Variants in OIT3 observed in about 807,000 individuals in gnomAD.
OIT3 encodes the protein oncoprotein induced transcript 3, also known as oncoprotein-induced transcript 3 protein.
A neutral mutation model predicts 52.2 loss-of-function variants in OIT3; 41 were observed. The ratio of observed to expected loss-of-function variants is 0.79; its 90% confidence interval spans 0.61 to 1.02. The LOEUF is 1.02. Among genes scored for constraint, OIT3 ranks in the 50% least tolerant of loss-of-function variants. The pLI is 0.00. For synonymous variants in OIT3, 244 were observed against 276.9 expected (o/e 0.88, Z 1.18); for missense variants, 634 against 715.5 (o/e 0.89, Z 1.30).
intron 3 of OIT3, 147 bp from the exon 4 acceptor site, chr10:72,906,449 G>C: frequency 1.3e-6 from 1 of 799,552 alleles, no homozygotes; most frequent in Non-Finnish European, 2.0e-6. Flanking sequence ...TCAGGTGGAT[G>C]GGAGTGATGA....
At position 72,932,667 on chromosome 10, in the gene OIT3, A is replaced by T; in HGVS notation, c.*143A>T. ...AGACTCCCAGCACCAACTCACTCTG[A>T]TTCTGGTCCATTCAGTGGGCACAGG... On this transcript the variant is annotated 3_prime_UTR_variant, in exon 9 of 9. Coordinates refer to ENST00000334011, the MANE Select transcript of OIT3 (RefSeq NM_152635.3). The T allele has an allele frequency of 1.5e-6, 1 of 681,938 alleles. No homozygotes were observed. The highest frequency in any genetic ancestry group is 2.4e-6 in the Non-Finnish European group (1 of 416,556). 42.2% of individuals were successfully genotyped at this position (681,938 alleles called of 1,614,324 possible). A position where few individuals can be genotyped will look rare whatever the true frequency, so the allele number is the denominator to read the frequency against.
intron 7 of OIT3, among the ~76,000 whole-genome samples, chr10:72,927,823 T>C (rs2132950177): frequency 6.6e-6 from 1 of 152,326 alleles, no homozygotes; most frequent in Middle Eastern, 3.4e-3. Flanking sequence ...TCTTCCTGTC[T>C]GATCCTTACT....
chr10:72,920,772 G>A lies in OIT3; in HGVS notation c.952-3457G>A, dbSNP rs117566662. ...ATTTCTTAGTCTTGAGTTCTAATTC[G>A]ATTGTGCTGTCATCTGAGAGCCTGT... On this transcript the variant is annotated intron_variant, in intron 6 of 8. Coordinates refer to ENST00000334011, the MANE Select transcript of OIT3 (RefSeq NM_152635.3). 5.8e-3 allele frequency among the ~76,000 whole-genome samples: 880 copies of A among 152,202 alleles called. 4 individuals carry two copies. Among genetic ancestry groups the A allele is most frequent in the East Asian group, 0.029 (149 of 5,186 alleles).
At chr10:72,907,988 A>T (rs2132932914) in intron 4 of OIT3, among the ~76,000 whole-genome samples, 1 of 152,328 alleles carries the variant, frequency 6.6e-6, no homozygotes, top group African/African-American at 2.4e-5. Context: ...TACGCCTGTA[A>T]TCCCAGTACT....
chr10:72,914,404 C>G (rs1189440118), intron 6 of OIT3, among the ~76,000 whole-genome samples: 1 of 152,134 alleles, frequency 6.6e-6, no homozygotes, highest in African/African-American at 2.4e-5. Context: ...AGCACGGAGG[C>G]CTTTGCGATC....
intron 7 of OIT3, among the ~76,000 whole-genome samples, chr10:72,925,250 CAT>C (rs567975550): frequency 6.8e-4 from 103 of 151,944 alleles, no homozygotes; most frequent in African/African-American, 2.5e-3. Flanking sequence ...TTCAAAATGA[CAT>C]ATTGAATAAT....
At chr10:72,901,983 C>T (rs941813759) in intron 3 of OIT3, among the ~76,000 whole-genome samples, 1 of 152,112 alleles carries the variant, frequency 6.6e-6, no homozygotes, top group African/African-American at 2.4e-5. Context: ...AGGCTGCCAT[C>T]AGCTCTGATT....
At chr10:72,909,605 A>T (rs1387081712) in intron 4 of OIT3, among the ~76,000 whole-genome samples, 7 of 148,934 alleles carry the variant, frequency 4.7e-5, no homozygotes, top group African/African-American at 7.4e-5. Context: ...ATTATTATTA[A>T]TTTTTTTTTT....
chr10:72,916,407 T>C (rs1359065730), intron 6 of OIT3, among the ~76,000 whole-genome samples: 1 of 152,196 alleles, frequency 6.6e-6, no homozygotes, highest in Non-Finnish European at 1.5e-5. Context: ...CTCCCACTTA[T>C]AAGTGAGAAC....
chr10:72,925,639 G>T lies in OIT3; in HGVS notation c.1367+995G>T, dbSNP rs1263907469. Among the ~76,000 whole-genome samples, 5 of 152,302 alleles carry T rather than the reference G, an allele frequency of 3.3e-5. No homozygotes were observed. In the East Asian group the frequency reaches 9.6e-4, roughly 29 times the overall value. ...TTTCAGGGGTGGAGGGCAGTGCAGG[G>T]TCTTGCTCTGTCACCCAGGCTGGAG... On this transcript the variant is annotated intron_variant, in intron 7 of 8. Coordinates refer to ENST00000334011, the MANE Select transcript of OIT3 (RefSeq NM_152635.3).
chr10:72,902,145 G>A (rs1470909240), intron 3 of OIT3, among the ~76,000 whole-genome samples: 1 of 152,072 alleles, frequency 6.6e-6, no homozygotes. Flanking sequence ...TCTGCCATAG[G>A]CGTTGTTAGG....
chr10:72,916,478 A>G (rs1846073972), intron 6 of OIT3, among the ~76,000 whole-genome samples: 1 of 152,200 alleles, frequency 6.6e-6, no homozygotes. Context: ...CTCCAGCTCC[A>G]TCCACTCCCT....
intron 6 of OIT3, chr10:72,917,568 C>A: frequency 2.8e-6 from 2 of 713,876 alleles, no homozygotes; most frequent in Non-Finnish European, 5.2e-6. Context: ...AAAGGGACAG[C>A]CAGATATCAA....
rs1033554121 is a variant in OIT3 at position 72,899,598 on chromosome 10, AAAAAAAAAAAAAAG to A, written c.436+568_436+581del. Among the ~76,000 whole-genome samples, 13 of 96,716 alleles carry A rather than the reference AAAAAAAAAAAAAAG, an allele frequency of 1.3e-4. No homozygotes were observed. In the African/African-American group the frequency reaches 1.3e-3, roughly 10 times the overall value. The allele number at this position is 96,716 out of a possible 152,430, so 63.4% of individuals were successfully genotyped here. The stretch of plus-strand genomic sequence containing the variant: ...GTGACAGAGTGAGACTCTGATTCAA[AAAAAAAAAAAAAAG>A]AAAAAAAGAAAATGAAACACTGATT... On this transcript the variant is annotated intron_variant, in intron 2 of 8. Transcript: ENST00000334011.
chr10:72,900,446 C>T lies in OIT3; in HGVS notation c.506C>T (p.Pro169Leu). 1 of 1,611,544 alleles carries T rather than the reference C, an allele frequency of 6.2e-7. No homozygotes were observed. Among genetic ancestry groups the T allele is most frequent in the Non-Finnish European group, 8.5e-7 (1 of 1,177,672 alleles). ...GATACCAGCGAGTGCACATGCGCTC[C>T]AGGAACTGTGCTAGGCCCTGACAGG... ...CSDTSECTCA[P>L]GTVLGPDRQT... is the part of the protein sequence containing the mutation. Residue 169 changes from proline to leucine, a missense_variant, in exon 3 of 9, where the codon CCA becomes CTA. Physicochemically the swap from Pro to Leu is moderately conservative, Grantham distance 98. Coordinates refer to ENST00000334011, the MANE Select transcript of OIT3 (RefSeq NM_152635.3).
At chr10:72,897,348 A>T (rs1845883793) in intron 1 of OIT3, among the ~76,000 whole-genome samples, 1 of 152,182 alleles carries the variant, frequency 6.6e-6, no homozygotes. Flanking sequence ...CAATGTTTTC[A>T]TGACATACAA....
intron 3 of OIT3, among the ~76,000 whole-genome samples, chr10:72,905,393 C>T (rs199578609): frequency 6.6e-6 from 1 of 152,050 alleles, no homozygotes; most frequent in African/African-American, 2.4e-5. Context: ...ATCGCTTGAA[C>T]CTGGGAGGCA....
At chr10:72,902,272 G>A (rs553910780) in intron 3 of OIT3, among the ~76,000 whole-genome samples, 42 of 152,024 alleles carry the variant, frequency 2.8e-4, no homozygotes, top group African/African-American at 9.6e-4. Context: ...AAAATATTTG[G>A]CTTTATTTTA....
intron 3 of OIT3, among the ~76,000 whole-genome samples, chr10:72,901,026 C>G (rs1845930538): frequency 6.6e-6 from 1 of 152,078 alleles, no homozygotes; most frequent in African/African-American, 2.4e-5. Flanking sequence ...CATGGTTACA[C>G]CACTGCTCTC....
Sources: gnomAD v4.1 joint callset for allele counts (sites outside exome capture counted in the v4.1 genomes callset) on GRCh38, gnomAD v4.1.1 for gene constraint, MANE v1.5 for transcripts, NCBI Gene and HGNC (gene_info 2026-07-23, HGNC 2026-07-21) for gene names.